Variants in CCSER1 observed in about 807,000 individuals in gnomAD.
The protein encoded by CCSER1 is serine-rich coiled-coil domain-containing protein 1.
Under a neutral mutation model 82.0 loss-of-function variants are expected in CCSER1, and 41 were observed. The observed-to-expected ratio is 0.50, with a 90% confidence interval of 0.39 to 0.65. The LOEUF (loss-of-function observed/expected upper bound fraction) is 0.65. CCSER1 is among the 30% of genes least tolerant of loss of function. The probability of loss-of-function intolerance (pLI) is 0.00; values close to 1 mark genes in which losing one functional copy is unlikely to be tolerated. For synonymous variants in CCSER1, 414 were observed against 383.9 expected (o/e 1.08, Z -0.92); for missense variants, 1,119 against 1,064.2 (o/e 1.05, Z -0.72).
chr4:91,004,219 C>A (rs1581312293), intron 9 of CCSER1, among the ~76,000 whole-genome samples: 1 of 152,158 alleles, frequency 6.6e-6, no homozygotes. Context: ...AAATGAGCTG[C>A]AATCTAGTCT....
Position 91,361,678 on chromosome 4 carries a change from G to A in CCSER1, c.2218-236894G>A, listed in dbSNP as rs1749254324. On this transcript the variant is annotated intron_variant, in intron 10 of 10. Coordinates refer to ENST00000509176, the MANE Select transcript of CCSER1 (RefSeq NM_001145065.2). ...AATCATTATATTAGCAAGTAAGAGC[G>A]AAATCTATGAAGACACTAATTAATT... Among the ~76,000 whole-genome samples the A allele has an allele frequency of 7.9e-5, 12 of 151,808 alleles. 1 individual carries two copies. The highest frequency in any genetic ancestry group is 7.2e-4 in the Admixed American group (11 of 15,174).
chr4:91,296,485 A>ATATATATTTATTTC (rs1365247761), intron 10 of CCSER1, among the ~76,000 whole-genome samples: 1 of 140,984 alleles, frequency 7.1e-6, no homozygotes, highest in African/African-American at 2.7e-5. Context: ...ATATATATAT[A>ATATATATTTATTTC]TTTTAATTAA....
intron 10 of CCSER1, among the ~76,000 whole-genome samples, chr4:91,487,333 G>A (rs1468042982): frequency 2.0e-5 from 3 of 152,058 alleles, no homozygotes; most frequent in Non-Finnish European, 4.4e-5. Context: ...AAATACACAA[G>A]GCATGCTTTG....
At chr4:90,481,485 C>A (rs1358942895) in intron 5 of CCSER1, among the ~76,000 whole-genome samples, 1 of 152,138 alleles carries the variant, frequency 6.6e-6, no homozygotes, top group South Asian at 2.1e-4. Context: ...TTTGTCCATT[C>A]AGTATGATAT....
intron 9 of CCSER1, among the ~76,000 whole-genome samples, chr4:91,043,583 C>CTTTTTTTTTTTTTTTTTTTTTTTTTTT (rs11364315): frequency 2.8e-5 from 2 of 71,566 alleles, no homozygotes; most frequent in Non-Finnish European, 2.8e-5. Flanking sequence ...CATCAGCCTT[C>CTTTTTTTTTTTTTTTTTTTTTTTTTTT]TTTTTTTTTT....
At chr4:91,240,483 C>T (rs1228721834) in intron 10 of CCSER1, among the ~76,000 whole-genome samples, 1 of 20,320 alleles carries the variant, frequency 4.9e-5, no homozygotes, top group Admixed American at 6.0e-4. Flanking sequence ...TAAATAATTT[C>T]CCCTAGATCA....
rs771419830 is a variant in CCSER1 at position 90,932,980 on chromosome 4, A to AAGAGAGAGAGAGAG, written c.2172+9538_2172+9539insGAGAGAGAGAGAGA. ...AAAGAAAGAAAGAAAGAAAGAAAGA[A>AAGAGAGAGAGAGAG]AGAGAAAGAAAGAAAGAAAGAAAGA... On this transcript the variant is annotated intron_variant, in intron 9 of 10. Coordinates refer to ENST00000509176, the MANE Select transcript of CCSER1 (RefSeq NM_001145065.2). 1.4e-4 allele frequency among the ~76,000 whole-genome samples: 3 copies of AAGAGAGAGAGAGAG among 21,940 alleles called. 1 individual carries two copies. The highest frequency in any genetic ancestry group is 5.4e-4 in the African/African-American group (2 of 3,698). 14.4% of individuals were successfully genotyped at this position (21,940 alleles called of 152,430 possible).
chr4:91,264,060 C>T (rs116410237), intron 10 of CCSER1, among the ~76,000 whole-genome samples: 26 of 151,790 alleles, frequency 1.7e-4, no homozygotes, highest in South Asian at 2.1e-4. Context: ...ACCATGTACC[C>T]GAACCATAAA....
chr4:90,271,073 A>T (rs1197864004), intron 1 of CCSER1, among the ~76,000 whole-genome samples: 1 of 152,144 alleles, frequency 6.6e-6, no homozygotes, highest in Admixed American at 6.6e-5. Context: ...ACCCACATCA[A>T]TCTACAGATT....
intron 9 of CCSER1, among the ~76,000 whole-genome samples, chr4:90,936,652 C>T (rs1351551608): frequency 9.2e-5 from 14 of 152,044 alleles, no homozygotes; most frequent in Admixed American, 9.2e-4. Context: ...GTTAGACTTT[C>T]ATTAAGTATA....
At chr4:91,058,648 C>T (rs2148728557) in intron 9 of CCSER1, among the ~76,000 whole-genome samples, 1 of 152,122 alleles carries the variant, frequency 6.6e-6, no homozygotes, top group Non-Finnish European at 1.5e-5. Flanking sequence ...ATTCTCTGGT[C>T]TTCTAACCAC....
chr4:90,468,485 C>A, intron 5 of CCSER1, 131 bp downstream of exon 5: 1 of 751,090 alleles, frequency 1.3e-6, no homozygotes, highest in Non-Finnish European at 2.0e-6. Context: ...GTTAAAAAAT[C>A]ATCTATTCTA....
At chr4:90,399,602 T>C (rs1284268629) in intron 3 of CCSER1, among the ~76,000 whole-genome samples, 1 of 152,092 alleles carries the variant, frequency 6.6e-6, no homozygotes, top group African/African-American at 2.4e-5. Flanking sequence ...CAGACTTCTA[T>C]TTGAAAAATG....
intron 9 of CCSER1, among the ~76,000 whole-genome samples, chr4:91,010,246 G>A (rs904749114): frequency 3.9e-4 from 60 of 152,122 alleles, no homozygotes; most frequent in African/African-American, 1.3e-3. Context: ...TTCTCTACTG[G>A]CCTGCAGAGT....
chr4:90,663,834 G>T, intron 6 of CCSER1: 2 of 340,560 alleles, frequency 5.9e-6, no homozygotes, highest in Non-Finnish European at 1.2e-5. Flanking sequence ...GTGTGTTATT[G>T]TTACTTATAG....
intron 3 of CCSER1, among the ~76,000 whole-genome samples, chr4:90,378,818 A>G (rs1264635120): frequency 6.6e-6 from 1 of 152,190 alleles, no homozygotes; most frequent in Non-Finnish European, 1.5e-5. Context: ...TACAATTGAG[A>G]CATGAATTCT....
At chr4:91,117,655 A>G (rs1375873606) in intron 10 of CCSER1, among the ~76,000 whole-genome samples, 1 of 152,180 alleles carries the variant, frequency 6.6e-6, no homozygotes, top group Non-Finnish European at 1.5e-5. Flanking sequence ...TTTGCGTTGT[A>G]AGGTGTGACT....
At chr4:90,721,428 A>G (rs1742657996) in intron 6 of CCSER1, among the ~76,000 whole-genome samples, 1 of 151,870 alleles carries the variant, frequency 6.6e-6, no homozygotes, top group Admixed American at 6.6e-5. Context: ...TGCTTTTAGA[A>G]AATAGCTCTT....
At chr4:91,293,541 A>C (rs1445213214) in intron 10 of CCSER1, among the ~76,000 whole-genome samples, 1 of 152,002 alleles carries the variant, frequency 6.6e-6, no homozygotes, top group Non-Finnish European at 1.5e-5. Context: ...AAGGAAAATA[A>C]ATCATCCCTT....
Sources: allele counts gnomAD v4.1 joint callset (sites outside exome capture counted in the v4.1 genomes callset), GRCh38; gene constraint gnomAD v4.1.1; transcripts MANE v1.5; gene names NCBI Gene and HGNC (gene_info 2026-07-23, HGNC 2026-07-21).